The following HIP1 variants were observed in gnomAD, a reference collection of about 807,000 sequenced individuals.
HIP1 encodes huntingtin-interacting protein 1.
A neutral mutation model predicts 147.6 loss-of-function variants in HIP1; 65 were observed. The observed-to-expected ratio is 0.44, with a 90% CI of 0.36 to 0.54. The LOEUF (loss-of-function observed/expected upper bound fraction) is 0.54. HIP1 is among the 20% of genes least tolerant of loss of function. The pLI is 0.00. For missense variants in HIP1, 1,061 were observed against 1,299.6 expected (o/e 0.82, Z 2.82); for synonymous variants, 479 against 504.0 (o/e 0.95, Z 0.67).
intron 1 of HIP1, among the ~76,000 whole-genome samples, chr7:75,622,700 G>A (rs587610454): frequency 3.3e-5 from 5 of 152,010 alleles, no homozygotes; most frequent in Admixed American, 6.6e-5. Flanking sequence ...CATTTTGACC[G>A]GGCATGGTGG....
At position 75,571,142 on chromosome 7, in the gene HIP1, C is replaced by A. The variant is rs915027502; in HGVS notation, c.745+2619G>T. ...CTGCCTTCAAAGAAGGCCTTTAAAC[C>A]CAAACACTTATACCTGTCTCTTCTC... On this transcript the variant is annotated intron_variant, in intron 8 of 30. Coordinates refer to ENST00000336926, the MANE Select transcript of HIP1 (RefSeq NM_005338.7). Among the ~76,000 whole-genome samples the A allele has an allele frequency of 1.1e-4, 6 of 56,520 alleles. No individual in the cohort carries two copies. The East Asian group carries it at 4.4e-3, about 41-fold the overall frequency. The allele number at this position is 56,520 out of a possible 152,430, so 37.1% of individuals were successfully genotyped here. A position where few individuals can be genotyped will look rare whatever the true frequency, so the allele number is the denominator to read the frequency against.
intron 1 of HIP1, among the ~76,000 whole-genome samples, chr7:75,731,182 G>T (rs1211154630): frequency 1.3e-5 from 2 of 151,762 alleles, no homozygotes; most frequent in East Asian, 3.9e-4. Context: ...GGGTACAGAA[G>T]TTTAAGAAGC....
chr7:75,552,712 G>A (rs1794830714), intron 22 of HIP1, among the ~76,000 whole-genome samples: 1 of 151,964 alleles, frequency 6.6e-6, no homozygotes, highest in African/African-American at 2.4e-5. Flanking sequence ...GGTATTACCT[G>A]CCCACCTAGA....
chr7:75,626,278 C>A (rs1798036617), intron 1 of HIP1: 2 of 152,170 alleles, frequency 1.3e-5, no homozygotes, highest in African/African-American at 2.4e-5. Context: ...AAAAAGAATT[C>A]TTGAAAGCTA....
chr7:75,606,795 G>A (rs1554503901), intron 1 of HIP1, among the ~76,000 whole-genome samples: 4 of 152,160 alleles, frequency 2.6e-5, no homozygotes, highest in African/African-American at 9.7e-5. Context: ...ACTAATGAGT[G>A]CTTAGACCAG....
intron 1 of HIP1, among the ~76,000 whole-genome samples, chr7:75,679,392 CAG>C (rs782064071): frequency 1.3e-5 from 2 of 152,142 alleles, no homozygotes; most frequent in Non-Finnish European, 2.9e-5. Flanking sequence ...TCTGTAGAGA[CAG>C]AGTTTCAATA....
At position 75,537,350 on chromosome 7, in the gene HIP1, C is replaced by T. The variant is rs1554488927; in HGVS notation, c.*822G>A. On this transcript the variant is annotated 3_prime_UTR_variant, in exon 31 of 31. Transcript: ENST00000336926. Reference sequence around the variant, plus strand: ...GCTGTCACTCAGCAGCTCCGCCTGACCCTGGAGCATGGACTGGGTGGGCCA... The same window carrying T: ...GCTGTCACTCAGCAGCTCCGCCTGATCCTGGAGCATGGACTGGGTGGGCCA... The T allele has an allele frequency of 4.3e-6, 1 of 232,874 alleles. No homozygotes were observed. The highest frequency in any genetic ancestry group is 2.2e-5 in the African/African-American group (1 of 45,268). 14.4% of individuals were successfully genotyped at this position (232,874 alleles called of 1,614,324 possible). A position where few individuals can be genotyped will look rare whatever the true frequency, so the allele number is the denominator to read the frequency against.
intron 6 of HIP1, 147 bp downstream of exon 6, chr7:75,581,928 A>G: frequency 1.6e-6 from 1 of 625,570 alleles, no homozygotes; most frequent in Non-Finnish European, 2.8e-6. Context: ...CCAATAAATA[A>G]GTAGCCCCAA....
At chr7:75,607,205 CA>C (rs587733419) in intron 1 of HIP1, among the ~76,000 whole-genome samples, 2,447 of 127,940 alleles carry the variant, frequency 0.019, 38 homozygotes, top group Non-Finnish European at 0.024. Flanking sequence ...ACCATCTCTA[CA>C]AAAAAAAAAG....
chr7:75,604,904 T>C (rs1187522105), intron 1 of HIP1, among the ~76,000 whole-genome samples: 4 of 152,176 alleles, frequency 2.6e-5, no homozygotes, highest in African/African-American at 7.2e-5. Context: ...AAAATTCCCA[T>C]AAGCCACGTA....
chr7:75,564,083 G>T (rs1299390856), intron 9 of HIP1, among the ~76,000 whole-genome samples: 2 of 152,084 alleles, frequency 1.3e-5, no homozygotes, highest in Non-Finnish European at 2.9e-5. Flanking sequence ...GTAGAAACAG[G>T]CTCTTGCTGT....
chr7:75,617,925 G>A (rs1238539820), intron 1 of HIP1, among the ~76,000 whole-genome samples: 1 of 152,208 alleles, frequency 6.6e-6, no homozygotes, highest in Non-Finnish European at 1.5e-5. Context: ...GCGCAGCCTT[G>A]GGTAAATCCA....
At chr7:75,551,225 T>C (rs2116784132) in intron 22 of HIP1, among the ~76,000 whole-genome samples, 1 of 119,200 alleles carries the variant, frequency 8.4e-6, no homozygotes, top group South Asian at 2.9e-4. Context: ...TGAGGCAGTG[T>C]CTCACTCTGT....
In HIP1 at chr7:75,542,922, C is replaced by T. The variant is rs782637648; in HGVS notation, c.2819G>A (p.Arg940Gln). ...GCCGGCAGTGGCCTGGTTCACTCCC[C>T]GAGAGGCCTGCTGCAGCTGGGCTAG... ...PNLAQLQQAS[R>Q]GVNQATAGVV... Residue 940 changes from arginine (R) to glutamine (Q), a missense_variant, in exon 28 of 31, where the codon CGG becomes CAG. This residue lies in a region of HIP1 where 810 missense variants were observed against 946.8 expected (regional missense o/e 0.86). Coordinates refer to ENST00000336926, the MANE Select transcript of HIP1 (RefSeq NM_005338.7). The T allele has an allele frequency of 3.7e-6, 6 of 1,614,024 alleles. No homozygotes were observed. Among genetic ancestry groups the T allele is most frequent in the East Asian group, 2.2e-5 (1 of 44,866 alleles).
intron 1 of HIP1, among the ~76,000 whole-genome samples, chr7:75,703,116 G>A (rs559939575): frequency 2.6e-5 from 4 of 152,348 alleles, no homozygotes; most frequent in East Asian, 1.9e-4. Context: ...CTGGGAGGCC[G>A]AGGCAGGTAG....
chr7:75,549,133 TG>T (rs3214799), intron 22 of HIP1, 132 bp from the exon 23 acceptor site: 312,618 of 617,586 alleles, frequency 0.51, 82,356 homozygotes, highest in South Asian at 0.59. Context: ...ACAGGGGTTG[TG>T]GGGGGGTCTT....
intron 1 of HIP1, among the ~76,000 whole-genome samples, chr7:75,680,781 T>G (rs1800038956): frequency 6.6e-6 from 1 of 151,784 alleles, no homozygotes; most frequent in Non-Finnish European, 1.5e-5. Context: ...GGCTAAATTT[T>G]TGTTTGTTTT....
In HIP1 at chr7:75,562,125, T is replaced by C. The variant is rs1238325880; in HGVS notation, c.1066A>G (p.Ser356Gly). Reference protein sequence around the residue: ...KFDDIFGSSFSSDPFNFNSQN... With the variant: ...KFDDIFGSSFGSDPFNFNSQN... ...CTGTTGAAATTGAAGGGATCACTGC[T>C]GAATGAACTGCCAAAGATGTCATCA... Residue 356 changes from serine to glycine, a missense_variant, in exon 12 of 31, where the codon AGC becomes GGC. Ser to Gly is a moderately conservative substitution (Grantham distance 56). Transcript: ENST00000336926. 1.2e-6 allele frequency: 2 copies of C among 1,613,770 alleles called. No individual in the cohort carries two copies. Among genetic ancestry groups the C allele is most frequent in the Admixed American group, 1.7e-5 (1 of 59,982 alleles).
At chr7:75,642,268 C>T (rs868928004) in intron 1 of HIP1, among the ~76,000 whole-genome samples, 94 of 151,862 alleles carry the variant, frequency 6.2e-4, no homozygotes, top group Admixed American at 2.6e-3. Flanking sequence ...TTGGGTACGA[C>T]GGTTCACACC....
Sources: allele counts gnomAD v4.1 joint callset (sites outside exome capture counted in the v4.1 genomes callset), GRCh38; gene constraint gnomAD v4.1.1; regional missense constraint gnomAD v4.1.1; transcripts MANE v1.5; gene names NCBI Gene and HGNC (gene_info 2026-07-23, HGNC 2026-07-21).